The following RYR2 variants were observed in gnomAD, a reference collection of about 807,000 sequenced individuals.
RYR2 encodes ryanodine receptor 2, also known as cardiac muscle ryanodine receptor-calcium release channel.
Under a neutral mutation model 601.1 loss-of-function variants are expected in RYR2, and 227 were observed. The ratio of observed to expected loss-of-function variants is 0.38; its 90% CI spans 0.34 to 0.42. RYR2 has a LOEUF of 0.42. Ranked by LOEUF, RYR2 falls within the 10% of genes least tolerant of loss-of-function variation. The pLI is 1.00. For missense variants in RYR2, 4,646 were observed against 6,156.5 expected (o/e 0.75, Z 8.21); for synonymous variants, 2,223 against 2,175.1 (o/e 1.02, Z -0.61).
intron 1 of RYR2, among the ~76,000 whole-genome samples, chr1:237,194,455 T>G (rs990221501): frequency 3.9e-5 from 6 of 152,070 alleles, no homozygotes; most frequent in African/African-American, 1.4e-4. Context: ...CTGGGAATAT[T>G]GAGCAGTGGT....
Position 237,761,015 on chromosome 1 carries a change from A to C in RYR2, c.11463A>C (p.Thr3821=). ...AAGCTGAAGGTCTTGGGATGGTGAC[A>C]GAGGAAGGATCAGGTATTAATGACT... ...QNKAEGLGMV[T]EEGSGEKVLQ... The change falls in exon 84 of 105, where the codon ACA becomes ACC. Residue 3821 remains threonine, a synonymous_variant. Coordinates refer to ENST00000366574, the MANE Select transcript of RYR2 (RefSeq NM_001035.3). 6.3e-7 allele frequency: 1 copy of C among 1,574,956 alleles called. No individual in the cohort carries two copies. The highest frequency in any genetic ancestry group is 1.2e-5 in the South Asian group (1 of 85,892).
At chr1:237,209,497 A>ATATGTGTGTGTGTG (rs138024057) in intron 1 of RYR2, among the ~76,000 whole-genome samples, 112 of 143,354 alleles carry the variant, frequency 7.8e-4, no homozygotes, top group African/African-American at 2.6e-3. Flanking sequence ...ATCTGCATAT[A>ATATGTGTGTGTGTG]TGTGTGTGTG....
chr1:237,090,351 G>T (rs1327250276), intron 1 of RYR2, among the ~76,000 whole-genome samples: 2 of 152,162 alleles, frequency 1.3e-5, no homozygotes, highest in Non-Finnish European at 2.9e-5. Flanking sequence ...AGGATCTTGA[G>T]ATTATCTCGT....
chr1:237,106,491 T>C lies in RYR2; in HGVS notation c.48+63922T>C, dbSNP rs888917643. Among the ~76,000 whole-genome samples, 2 of 152,172 alleles carry C rather than the reference T, an allele frequency of 1.3e-5. No homozygotes were observed. Among genetic ancestry groups the C allele is most frequent in the Non-Finnish European group, 2.9e-5 (2 of 68,042 alleles). On this transcript the variant is annotated intron_variant, in intron 1 of 104. Transcript: ENST00000366574. This position sits in a 1 kb window ranked among gnomAD's most constrained non-coding sequence, Gnocchi z 4.4. ...ACAGATGATGTTTCACCAGCTAAGA[T>C]GGAGCGGTCCTGGAAAGAGTGAAGA...
intron 10 of RYR2, among the ~76,000 whole-genome samples, chr1:237,409,803 C>T (rs1192576540): frequency 6.6e-6 from 1 of 152,020 alleles, no homozygotes; most frequent in Non-Finnish European, 1.5e-5. Context: ...TCTACAGAAA[C>T]ATGTAATTAT....
chr1:237,707,358 A>T, intron 68 of RYR2, 89 bp downstream of exon 68: 1 of 653,680 alleles, frequency 1.5e-6, no homozygotes, highest in Admixed American at 3.5e-5. Flanking sequence ...TTCCCATCAC[A>T]ATTTTTATTA....
chr1:237,487,302 T>C (rs1662787354), intron 17 of RYR2, among the ~76,000 whole-genome samples: 1 of 152,170 alleles, frequency 6.6e-6, no homozygotes, highest in African/African-American at 2.4e-5. Flanking sequence ...CGCATAATAT[T>C]GTATACCTAT....
At chr1:237,788,169 A>T (rs1265762802) in intron 92 of RYR2, 34 bp downstream of exon 92, 1 of 1,538,470 alleles carries the variant, frequency 6.5e-7, no homozygotes, top group East Asian at 2.3e-5. Flanking sequence ...TGTTACTGAT[A>T]TAGTGCAATA....
chr1:237,418,232 CAG>C (rs1339036640), intron 11 of RYR2, among the ~76,000 whole-genome samples: 1 of 152,018 alleles, frequency 6.6e-6, no homozygotes, highest in Non-Finnish European at 1.5e-5. Context: ...TTAGTAGAGA[CAG>C]GGTTTAACCG....
At chr1:237,245,987 G>C (rs1441706983) in intron 1 of RYR2, among the ~76,000 whole-genome samples, 2 of 151,784 alleles carry the variant, frequency 1.3e-5, no homozygotes, top group Non-Finnish European at 2.9e-5. Context: ...TCCCCATGTT[G>C]ACCTGGCTGG....
chr1:237,788,197 C>A, intron 92 of RYR2, 62 bp downstream of exon 92: 3 of 1,383,052 alleles, frequency 2.2e-6, no homozygotes, highest in South Asian at 2.9e-5. Context: ...AATTTAGGCT[C>A]AGTAAATGTT....
At chr1:237,517,788 C>T (rs899461714) in intron 24 of RYR2, among the ~76,000 whole-genome samples, 1 of 152,122 alleles carries the variant, frequency 6.6e-6, no homozygotes. Context: ...CCTACATTGA[C>T]ACATCATTAT....
intron 44 of RYR2, among the ~76,000 whole-genome samples, chr1:237,636,692 G>A (rs1370033350): frequency 6.6e-6 from 1 of 152,162 alleles, no homozygotes; most frequent in Non-Finnish European, 1.5e-5. Context: ...TTACCCAGTA[G>A]AAAGGAAAAT....
chr1:237,782,145 C>CT (rs200272944), intron 89 of RYR2, among the ~76,000 whole-genome samples: 6 of 138,002 alleles, frequency 4.3e-5, no homozygotes, highest in Non-Finnish European at 3.2e-5. Flanking sequence ...TTAATTTTCT[C>CT]TTTTTTTTTC....
chr1:237,318,600 G>GT (rs1558614669), intron 2 of RYR2, among the ~76,000 whole-genome samples: 1 of 151,728 alleles, frequency 6.6e-6, no homozygotes, highest in African/African-American at 2.4e-5. Flanking sequence ...TGATTGAAAG[G>GT]TTTTTTTTCT....
intron 15 of RYR2, 70 bp from the exon 16 acceptor site, chr1:237,456,530 T>A (rs1658837006): frequency 7.1e-7 from 1 of 1,402,594 alleles, no homozygotes; most frequent in African/African-American, 1.4e-5. Context: ...CAACTTAGCA[T>A]TTTTAGTCTG....
At chr1:237,487,577 G>C (rs1005564071) in intron 17 of RYR2, among the ~76,000 whole-genome samples, 46 of 125,816 alleles carry the variant, frequency 3.7e-4, no homozygotes, top group Non-Finnish European at 6.9e-4. Context: ...AAAAAAAAAA[G>C]CTCAGCATGG....
intron 1 of RYR2, among the ~76,000 whole-genome samples, chr1:237,053,738 C>A (rs575067482): frequency 6.6e-6 from 1 of 152,030 alleles, no homozygotes; most frequent in Non-Finnish European, 1.5e-5. Flanking sequence ...ATAAGGAAAA[C>A]GCAAATATTC....
intron 1 of RYR2, among the ~76,000 whole-genome samples, chr1:237,111,704 T>C (rs1342320334): frequency 6.6e-6 from 1 of 152,058 alleles, no homozygotes; most frequent in African/African-American, 2.4e-5. Flanking sequence ...TTGCCATCTT[T>C]GGGATTCTCT....
Sources: gnomAD v4.1 joint callset for allele counts (sites outside exome capture counted in the v4.1 genomes callset) on GRCh38, gnomAD v4.1.1 for gene constraint, Gnocchi (gnomAD v3.1) non-coding constraint, MANE v1.5 for transcripts, NCBI Gene and HGNC (gene_info 2026-07-23, HGNC 2026-07-21) for gene names.